Variants in PHACTR1 observed in about 807,000 individuals in gnomAD.
PHACTR1 encodes phosphatase and actin regulator 1.
PHACTR1 carries 16 observed loss-of-function variants against 69.2 expected under a neutral mutation model. The observed-to-expected ratio is 0.23, with a 90% CI of 0.16 to 0.35. The LOEUF is 0.35. Ranked by LOEUF, PHACTR1 falls within the 10% of genes least tolerant of loss-of-function variation. The probability of loss-of-function intolerance (pLI) is 1.00; values close to 1 mark genes in which losing one functional copy is unlikely to be tolerated. For missense variants in PHACTR1, 510 were observed against 734.7 expected, an observed-to-expected ratio of 0.69 and a Z score of 3.54; for synonymous variants, 312 against 284.5, an observed-to-expected ratio of 1.10 and a Z score of -0.97.
chr6:12,850,150 A>C (rs961387461), intron 4 of PHACTR1, among the ~76,000 whole-genome samples: 2 of 151,952 alleles, frequency 1.3e-5, no homozygotes, highest in African/African-American at 2.4e-5. Context: ...GGCAAATTTT[A>C]CCTCTTTATC....
At chr6:12,944,788 T>TTTTTTA (rs1554172599) in intron 4 of PHACTR1, among the ~76,000 whole-genome samples, 2 of 47,040 alleles carry the variant, frequency 4.3e-5, no homozygotes, top group African/African-American at 1.6e-4. Context: ...TTTTTATTTA[T>TTTTTTA]TTTTTTTTTT....
chr6:12,892,892 T>G (rs1784296718), intron 4 of PHACTR1, among the ~76,000 whole-genome samples: 1 of 152,136 alleles, frequency 6.6e-6, no homozygotes, highest in Non-Finnish European at 1.5e-5. Context: ...AGAGTGCTCT[T>G]TGGCATTGGG....
At chr6:12,998,072 G>T (rs1178411168) in intron 4 of PHACTR1, among the ~76,000 whole-genome samples, 2 of 152,142 alleles carry the variant, frequency 1.3e-5, no homozygotes, top group African/African-American at 4.8e-5. Flanking sequence ...ATATAACTCA[G>T]TCCACTGGTA....
intron 7 of PHACTR1, among the ~76,000 whole-genome samples, chr6:13,190,190 A>G (rs1201765551): frequency 6.8e-5 from 2 of 29,232 alleles, no homozygotes; most frequent in South Asian, 1.0e-3. Flanking sequence ...TGCTCAGCTA[A>G]TTTTTGTATT....
intron 4 of PHACTR1, among the ~76,000 whole-genome samples, chr6:12,752,310 G>A (rs528120663): frequency 6.6e-6 from 1 of 152,280 alleles, no homozygotes; most frequent in East Asian, 1.9e-4. Flanking sequence ...GTTGTTATCA[G>A]CATTGCTGAA....
chr6:13,231,039 GAGAGAA>G (rs199622652), intron 10 of PHACTR1, among the ~76,000 whole-genome samples: 7,191 of 118,550 alleles, frequency 0.061, 966 homozygotes, highest in Admixed American at 0.2. Flanking sequence ...AAGAGAGAGA[GAGAGAA>G]AGGAAGGAAG....
chr6:13,031,115 G>C (rs1802399986), intron 4 of PHACTR1, among the ~76,000 whole-genome samples: 1 of 152,204 alleles, frequency 6.6e-6, no homozygotes, highest in South Asian at 2.1e-4. Flanking sequence ...ATGTTTAACA[G>C]TGCCTGGAGA....
intron 4 of PHACTR1, among the ~76,000 whole-genome samples, chr6:12,929,329 G>A (rs773545368): frequency 8.6e-5 from 13 of 152,036 alleles, no homozygotes; most frequent in South Asian, 2.1e-4. Context: ...CTTCGAGAGC[G>A]TTTATCTAGT....
chr6:12,726,108 ACT>A (rs1762757622), intron 3 of PHACTR1, among the ~76,000 whole-genome samples: 3 of 152,172 alleles, frequency 2.0e-5, no homozygotes, highest in Admixed American at 2.0e-4. Flanking sequence ...CAAGTCATCA[ACT>A]CTGCTGTATC....
At chr6:13,259,874 G>A (rs1775671910) in intron 10 of PHACTR1, among the ~76,000 whole-genome samples, 1 of 152,216 alleles carries the variant, frequency 6.6e-6, no homozygotes, top group African/African-American at 2.4e-5. Context: ...TGCCTGGGAA[G>A]AGCTGGGCGT....
At chr6:13,036,875 A>G (rs548867103) in intron 4 of PHACTR1, among the ~76,000 whole-genome samples, 4 of 152,342 alleles carry the variant, frequency 2.6e-5, no homozygotes, top group African/African-American at 9.6e-5. Context: ...ACCAGAGCCT[A>G]TCCTTTCTCT....
At chr6:12,797,437 G>A (rs1773170084) in intron 4 of PHACTR1, among the ~76,000 whole-genome samples, 1 of 152,126 alleles carries the variant, frequency 6.6e-6, no homozygotes, top group East Asian at 1.9e-4. Context: ...CTACCTATGG[G>A]ACATGCAAGT....
chr6:13,025,671 T>TTGTGTGTGTGTGTGTGTG (rs60800778), intron 4 of PHACTR1, among the ~76,000 whole-genome samples: 29 of 140,316 alleles, frequency 2.1e-4, no homozygotes, highest in African/African-American at 6.5e-4. Flanking sequence ...CATATATTAT[T>TTGTGTGTGTGTGTGTGTG]TGTGTGTGTG....
chr6:12,835,146 T>C lies in PHACTR1; in HGVS notation c.250+85356T>C, dbSNP rs558722300. 3.3e-5 allele frequency among the ~76,000 whole-genome samples: 5 copies of C among 152,202 alleles called. No homozygotes were observed. The East Asian group carries it at 7.7e-4, about 24-fold the overall frequency. On this transcript the variant is annotated intron_variant, in intron 4 of 14. Coordinates refer to ENST00000332995, the MANE Select transcript of PHACTR1 (RefSeq NM_030948.6). ...AGAACCTGAGGAGAGTGCAGACCTC[T>C]TGTGGAAGGTAGAACTGAGTGTGGA...
intron 3 of PHACTR1, among the ~76,000 whole-genome samples, chr6:12,747,641 TCAAAA>T (rs1561844433): frequency 2.0e-5 from 3 of 152,110 alleles, no homozygotes; most frequent in African/African-American, 4.8e-5. Flanking sequence ...CACTCCAGTC[TCAAAA>T]CAAACAAAAC....
At chr6:13,065,771 G>T (rs1483601412) in intron 5 of PHACTR1, among the ~76,000 whole-genome samples, 2 of 152,086 alleles carry the variant, frequency 1.3e-5, no homozygotes, top group African/African-American at 2.4e-5. Flanking sequence ...AAATATATTT[G>T]CACACATTTT....
chr6:12,810,981 G>T (rs559976428), intron 4 of PHACTR1, among the ~76,000 whole-genome samples: 127 of 152,256 alleles, frequency 8.3e-4, no homozygotes, highest in African/African-American at 2.9e-3. Flanking sequence ...TGTGTCAGTT[G>T]CCTGTCCTCA....
At chr6:12,750,225 G>A (rs1257292503) in intron 4 of PHACTR1, among the ~76,000 whole-genome samples, 1 of 152,188 alleles carries the variant, frequency 6.6e-6, no homozygotes, top group Non-Finnish European at 1.5e-5. Flanking sequence ...CGCCGCTGCG[G>A]TGTTGGAGTG....
intron 4 of PHACTR1, among the ~76,000 whole-genome samples, chr6:12,854,667 A>G (rs1047918177): frequency 1.3e-5 from 2 of 152,234 alleles, no homozygotes; most frequent in Non-Finnish European, 2.9e-5. Context: ...TCCAGAATCT[A>G]TAAGGAACTT....
Sources: gnomAD v4.1 joint callset for allele counts (sites outside exome capture counted in the v4.1 genomes callset) on GRCh38, gnomAD v4.1.1 for gene constraint, MANE v1.5 for transcripts, NCBI Gene and HGNC (gene_info 2026-07-23, HGNC 2026-07-21) for gene names.